Variants in CEP152 observed in about 807,000 individuals in gnomAD.
The protein encoded by CEP152 is centrosomal protein of 152 kDa.
A neutral mutation model predicts 188.9 loss-of-function variants in CEP152; 132 were observed. That is an observed-to-expected ratio of 0.70 (90% CI 0.61 to 0.81). CEP152 has a LOEUF of 0.81. CEP152 is among the 30% of genes least tolerant of loss of function. The pLI, the probability that CEP152 is intolerant of heterozygous loss-of-function variation, is 0.00. For synonymous variants in CEP152, 649 were observed against 666.6 expected (o/e 0.97, Z 0.41); for missense variants, 1,914 against 1,969.8 (o/e 0.97, Z 0.54).
At chr15:48,770,847 C>A (rs1895475613) in intron 13 of CEP152, among the ~76,000 whole-genome samples, 1 of 152,174 alleles carries the variant, frequency 6.6e-6, no homozygotes. Context: ...ATAGCAAAAA[C>A]ACTGTTTTTC....
At position 48,738,348 on chromosome 15, in the gene CEP152, T is replaced by C. The variant is rs778171285; in HGVS notation, c.5034A>G (p.Leu1678=). The part of the protein sequence containing the change: ...KSDFKKLSST[L]PSSVCQQPSR... The stretch of plus-strand genomic sequence containing the variant: ...AAGGCTGCTGACACACTGAAGATGG[T>C]AATGTACTGCTCAGTTTTTTGAAAT... Residue 1678 remains leucine, a synonymous_variant, in exon 27 of 27, where the codon TTA becomes TTG. Coordinates refer to ENST00000380950, the MANE Select transcript of CEP152 (RefSeq NM_001194998.2). The C allele has an allele frequency of 6.2e-7, 1 of 1,614,192 alleles. No individual in the cohort carries two copies.
In CEP152 at chr15:48,794,897, C is replaced by T. The variant is rs1157294217; in HGVS notation, c.691+1113G>A. ...TCAGGGGAAAATGAATTCTGGGCCT[C>T]CCCCTGTAACTACCCTGCCGTCCCA... On this transcript the variant is annotated intron_variant, in intron 6 of 26. Coordinates refer to ENST00000380950, the MANE Select transcript of CEP152 (RefSeq NM_001194998.2). Among the ~76,000 whole-genome samples the T allele has an allele frequency of 3.3e-5, 5 of 152,188 alleles. No individual in the cohort carries two copies. In the South Asian group the frequency reaches 8.3e-4, roughly 25 times the overall value.
chr15:48,760,059 A>C, intron 19 of CEP152, 76 bp downstream of exon 19: 1 of 1,595,756 alleles, frequency 6.3e-7, no homozygotes, highest in Non-Finnish European at 8.6e-7. Context: ...GAGTAGGTAC[A>C]AATTCCAAGG....
intron 2 of CEP152, chr15:48,729,788 A>C (rs923228495): frequency 5.3e-5 from 8 of 152,142 alleles, no homozygotes; most frequent in African/African-American, 1.7e-4. Context: ...ATATAAAACA[A>C]ATGTAGAAAG....
rs778413893 is a variant in CEP152 at position 48,752,445 on chromosome 15, C to G, written c.3370G>C (p.Asp1124His). 6 of 1,613,746 alleles carry G rather than the reference C, an allele frequency of 3.7e-6. No homozygotes were observed. Among genetic ancestry groups the G allele is most frequent in the Middle Eastern group, 1.7e-4 (1 of 5,770 alleles). ...TGGCCAGTGCCCTGGCTGGCAGAAT[C>G]CTTAGAGAGCTCGGCCATATTTCTC... Reference protein sequence around the residue: ...KKRNMAELSKDSASQGTGQGD... With the variant: ...KKRNMAELSKHSASQGTGQGD... The change falls in exon 21 of 27, where the codon GAT becomes CAT. Residue 1124 changes from aspartate (D) to histidine (H), a missense_variant. By Grantham distance (81) the Asp-to-His change is moderately conservative. Transcript: ENST00000380950.
chr15:48,796,399 T>C (rs185076683), intron 5 of CEP152, among the ~76,000 whole-genome samples: 23 of 152,264 alleles, frequency 1.5e-4, no homozygotes, highest in Admixed American at 1.2e-3. Context: ...ACATAATTTA[T>C]AGACACCTAA....
At position 48,791,203 on chromosome 15, in the gene CEP152, A is replaced by G. The variant is rs772448718; in HGVS notation, c.972+34T>C. The G allele has an allele frequency of 5.7e-6, 9 of 1,584,112 alleles. No individual in the cohort carries two copies. In the Admixed American group the frequency reaches 1.6e-4, roughly 28 times the overall value. On this transcript the variant is annotated intron_variant, in intron 8 of 26. Coordinates refer to ENST00000380950, the MANE Select transcript of CEP152 (RefSeq NM_001194998.2). ...AGTTTTGTTAAATAACTAAACTTTT[A>G]ATTTTTTTACCATACATAAGTTAAA...
At position 48,729,780 on chromosome 15, in the gene CEP152, A is replaced by G. The variant is rs115657140; in HGVS notation, c.142+11851T>C. On this transcript the variant is annotated intron_variant and NMD_transcript_variant, in intron 2 of 3. Transcript: ENST00000561245. ...TACATATGTATATTTACAGACAAAT[A>G]TAAAACAAATGTAGAAAGTAAACAA... 3.6e-3 allele frequency: 543 copies of G among 152,230 alleles called. 3 individuals are homozygous for G. The highest frequency in any genetic ancestry group is 0.013 in the African/African-American group (526 of 41,554). The allele number at this position is 152,230 out of a possible 1,614,324, so 9.4% of individuals were successfully genotyped here.
chr15:48,731,997 AATCATCTCAC>A, intron 2 of CEP152, among the ~76,000 whole-genome samples: 2 of 152,222 alleles, frequency 1.3e-5, no homozygotes, highest in Non-Finnish European at 2.9e-5. Context: ...ATCTCACGCC[AATCATCTCAC>A]GTGATTATTA....
At chr15:48,778,942 T>A (rs918965510) in intron 12 of CEP152, among the ~76,000 whole-genome samples, 4 of 131,880 alleles carry the variant, frequency 3.0e-5, no homozygotes, top group Admixed American at 1.5e-4. Context: ...AAAGCAAAAC[T>A]CCATCTCAAA....
intron 19 of CEP152, among the ~76,000 whole-genome samples, chr15:48,758,727 A>AAC (rs1458360899): frequency 6.6e-6 from 1 of 150,752 alleles, no homozygotes; most frequent in Non-Finnish European, 1.5e-5. Context: ...TCAAAAAAAA[A>AAC]AAAAAAAAAA....
At chr15:48,775,833 C>T (rs760614716) in intron 12 of CEP152, among the ~76,000 whole-genome samples, 1 of 151,694 alleles carries the variant, frequency 6.6e-6, no homozygotes, top group African/African-American at 2.4e-5. Flanking sequence ...GATGACTGCA[C>T]AGTTCTGTGA....
intron 5 of CEP152, 79 bp from the exon 6 acceptor site, chr15:48,796,239 G>T: frequency 6.6e-7 from 1 of 1,504,354 alleles, no homozygotes. Flanking sequence ...CTAAATTAAT[G>T]TTACGTTACA....
At chr15:48,747,439 C>T (rs1893529113) in intron 22 of CEP152, among the ~76,000 whole-genome samples, 1 of 152,080 alleles carries the variant, frequency 6.6e-6, no homozygotes, top group Admixed American at 6.6e-5. Context: ...GAGAAGGTAT[C>T]TGACAAGTGA....
Position 48,752,400 on chromosome 15 carries a change from C to G in CEP152, c.3415G>C (p.Ala1139Pro). The part of the protein sequence containing the change: ...GTGQGDPGPA[A>P]GHHAQPLALQ... ...GCCAAGGGCTGAGCATGGTGTCCAGCAGCAGGTCCAGGGTCTCCTTGGCCA... is the reference window on the plus strand; with the variant it reads ...GCCAAGGGCTGAGCATGGTGTCCAGGAGCAGGTCCAGGGTCTCCTTGGCCA... Residue 1139 changes from alanine (A) to proline (P), a missense_variant, in exon 21 of 27, where the codon GCT becomes CCT. Ala to Pro is a conservative substitution (Grantham distance 27). Coordinates refer to ENST00000380950, the MANE Select transcript of CEP152 (RefSeq NM_001194998.2). The G allele has an allele frequency of 1.2e-6, 2 of 1,614,006 alleles. No homozygotes were observed. Among genetic ancestry groups the G allele is most frequent in the Non-Finnish European group, 1.7e-6 (2 of 1,180,020 alleles).
chr15:48,744,154 C>A (rs1225525226), intron 24 of CEP152, 86 bp downstream of exon 24: 13 of 1,562,832 alleles, frequency 8.3e-6, no homozygotes, highest in Non-Finnish European at 1.0e-5. Context: ...CCTAGAAGAA[C>A]TACTGCTGGT....
intron 9 of CEP152, among the ~76,000 whole-genome samples, chr15:48,787,194 G>A (rs1363675012): frequency 2.0e-5 from 2 of 97,646 alleles, no homozygotes; most frequent in Non-Finnish European, 4.0e-5. Flanking sequence ...TGGAAAAAGA[G>A]TCTCACTCTG....
downstream of CEP152, among the ~76,000 whole-genome samples, chr15:48,735,744 A>G: frequency 6.6e-6 from 1 of 152,140 alleles, no homozygotes; most frequent in Non-Finnish European, 1.5e-5. Flanking sequence ...AAAAATAAAT[A>G]AATTTTAAAA....
chr15:48,807,909 G>GTAA (rs397796506), intron 1 of CEP152, among the ~76,000 whole-genome samples: 1 of 151,474 alleles, frequency 6.6e-6, no homozygotes, highest in Non-Finnish European at 1.5e-5. Flanking sequence ...TGTTTTTAAA[G>GTAA]AGAATGTAAA....
Sources: gnomAD v4.1 joint callset for allele counts (sites outside exome capture counted in the v4.1 genomes callset) on GRCh38, gnomAD v4.1.1 for gene constraint, MANE v1.5 for transcripts, NCBI Gene and HGNC (gene_info 2026-07-23, HGNC 2026-07-21) for gene names.